The following SYNPR variants were observed in gnomAD, a reference collection of about 807,000 sequenced individuals.
The protein encoded by SYNPR is synaptoporin.
Under a neutral mutation model 32.9 loss-of-function variants are expected in SYNPR, and 23 were observed. The ratio of observed to expected loss-of-function variants is 0.70; its 90% confidence interval spans 0.50 to 0.99. The LOEUF (loss-of-function observed/expected upper bound fraction) is 0.99. Ranked by LOEUF, SYNPR falls within the 50% of genes least tolerant of loss-of-function variation. SYNPR has a pLI of 0.00. For missense variants in SYNPR, 318 were observed against 349.3 expected (o/e 0.91, Z 0.71); for synonymous variants, 146 against 135.9 (o/e 1.07, Z -0.52).
At chr3:63,485,767 A>C (rs1169891476) in intron 3 of SYNPR, among the ~76,000 whole-genome samples, 1 of 152,192 alleles carries the variant, frequency 6.6e-6, no homozygotes, top group Non-Finnish European at 1.5e-5. Context: ...ACCTTGGTTG[A>C]ACAAATAACT....
intron 2 of SYNPR, among the ~76,000 whole-genome samples, chr3:63,408,319 GGAAA>G (rs1214316826): frequency 0.038 from 634 of 16,764 alleles, 27 homozygotes; most frequent in Middle Eastern, 0.071. Context: ...AAGGAAGGAA[GGAAA>G]GAAAGAAAGA....
intron 2 of SYNPR, among the ~76,000 whole-genome samples, chr3:63,447,749 T>C (rs1168314503): frequency 6.6e-6 from 1 of 152,116 alleles, no homozygotes; most frequent in Non-Finnish European, 1.5e-5. Flanking sequence ...CTGTGATTTT[T>C]TTTTTTTTAA....
intron 3 of SYNPR, among the ~76,000 whole-genome samples, chr3:63,535,560 A>G (rs1404744240): frequency 6.6e-6 from 1 of 152,202 alleles, no homozygotes; most frequent in Non-Finnish European, 1.5e-5. Context: ...TCAAGACAGC[A>G]TAGTATTGGC....
intron 1 of SYNPR, among the ~76,000 whole-genome samples, chr3:63,232,257 A>G (rs1455245537): frequency 7.9e-6 from 1 of 126,676 alleles, no homozygotes; most frequent in East Asian, 2.4e-4. Context: ...GCTGGAGTGC[A>G]ATGGCGTGAT....
At chr3:63,426,964 G>A (rs2122798) in intron 2 of SYNPR, among the ~76,000 whole-genome samples, 10,759 of 151,748 alleles carry the variant, frequency 0.071, 877 homozygotes, top group East Asian at 0.44. Context: ...AAACTATGTC[G>A]AGCCTTGTAG....
At chr3:63,315,803 C>T (rs2087034516) in intron 2 of SYNPR, among the ~76,000 whole-genome samples, 1 of 151,948 alleles carries the variant, frequency 6.6e-6, no homozygotes, top group Admixed American at 6.6e-5. Flanking sequence ...GAGTGGGCAT[C>T]CTTGTCTTAT....
At chr3:63,559,633 G>A (rs1702650978) in intron 4 of SYNPR, among the ~76,000 whole-genome samples, 1 of 151,550 alleles carries the variant, frequency 6.6e-6, no homozygotes, top group Admixed American at 6.6e-5. Context: ...AAAATGTTCA[G>A]GTGTGCAACA....
At chr3:63,552,661 A>G (rs967790194) in intron 3 of SYNPR, among the ~76,000 whole-genome samples, 4 of 152,186 alleles carry the variant, frequency 2.6e-5, no homozygotes, top group Admixed American at 6.5e-5. Flanking sequence ...TTTTAAACAT[A>G]GTCCCTAGTA....
intron 3 of SYNPR, among the ~76,000 whole-genome samples, chr3:63,552,595 G>A (rs1438443127): frequency 6.6e-6 from 1 of 152,186 alleles, no homozygotes; most frequent in Non-Finnish European, 1.5e-5. Context: ...TGTGAGCTAA[G>A]CATACCTCTA....
chr3:63,397,114 A>C (rs2088225988), intron 2 of SYNPR, among the ~76,000 whole-genome samples: 3 of 152,194 alleles, frequency 2.0e-5, no homozygotes, highest in Admixed American at 2.0e-4. Context: ...AAAAAAAAAA[A>C]AAAAAAAAAA....
chr3:63,499,418 C>T (rs1312688646), intron 3 of SYNPR, among the ~76,000 whole-genome samples: 1 of 151,872 alleles, frequency 6.6e-6, no homozygotes. Context: ...CAGACCAACT[C>T]GATTTCTTAT....
At chr3:63,480,998 T>C (rs372486955) in intron 3 of SYNPR, 42 bp downstream of exon 3, 45 of 1,584,830 alleles carry the variant, frequency 2.8e-5, no homozygotes, top group Admixed American at 2.1e-4. Flanking sequence ...CACAGGGGGT[T>C]ATTTCTTTCT....
chr3:63,338,618 T>C (rs62251361), intron 2 of SYNPR, among the ~76,000 whole-genome samples: 43,470 of 152,180 alleles, frequency 0.29, 7,503 homozygotes, highest in Non-Finnish European at 0.39. Flanking sequence ...AATGATTATA[T>C]ACTATATTGT....
intron 2 of SYNPR, among the ~76,000 whole-genome samples, chr3:63,463,143 T>A (rs1395705753): frequency 6.6e-6 from 1 of 152,280 alleles, no homozygotes; most frequent in East Asian, 1.9e-4. Context: ...AAGGATTCTG[T>A]CACTTTCTTT....
At chr3:63,615,120 A>G in intron 5 of SYNPR, 104 bp from the exon 6 acceptor site, 2 of 1,364,562 alleles carry the variant, frequency 1.5e-6, no homozygotes, top group South Asian at 1.5e-5. Flanking sequence ...CTCAACATTA[A>G]AGTGAAAAGT....
At chr3:63,435,436 A>G (rs974282940) in intron 2 of SYNPR, among the ~76,000 whole-genome samples, 7 of 152,204 alleles carry the variant, frequency 4.6e-5, no homozygotes, top group Non-Finnish European at 7.3e-5. Flanking sequence ...AAATTTCTCC[A>G]TTACGTAAGT....
At chr3:63,458,733 A>G (rs1429412804) in intron 2 of SYNPR, among the ~76,000 whole-genome samples, 1 of 152,118 alleles carries the variant, frequency 6.6e-6, no homozygotes, top group Non-Finnish European at 1.5e-5. Flanking sequence ...GCACTCAGTC[A>G]TCATCTCTAT....
intron 2 of SYNPR, among the ~76,000 whole-genome samples, chr3:63,393,135 G>A (rs988661395): frequency 6.6e-6 from 1 of 152,112 alleles, no homozygotes; most frequent in Non-Finnish European, 1.5e-5. Flanking sequence ...CACACCTAAA[G>A]CACTCATTGA....
At chr3:63,470,897 A>T (rs1700782554) in intron 2 of SYNPR, among the ~76,000 whole-genome samples, 1 of 152,170 alleles carries the variant, frequency 6.6e-6, no homozygotes, top group Admixed American at 6.5e-5. Flanking sequence ...ATGTGTGAAA[A>T]ACAAACCCCT....
Sources: gnomAD v4.1 joint callset for allele counts (sites outside exome capture counted in the v4.1 genomes callset) on GRCh38, gnomAD v4.1.1 for gene constraint, MANE v1.5 for transcripts, NCBI Gene and HGNC (gene_info 2026-07-23, HGNC 2026-07-21) for gene names.